Variants in SERTAD4 observed in about 807,000 individuals in gnomAD.
SERTAD4 encodes SERTA domain containing 4, also known as SERTA domain-containing protein 4.
SERTAD4 carries 18 observed loss-of-function variants against 32.9 expected under a neutral mutation model. The ratio of observed to expected loss-of-function variants is 0.55; its 90% CI spans 0.38 to 0.81. SERTAD4 has a LOEUF of 0.81. Among genes scored for constraint, SERTAD4 ranks in the 30% least tolerant of loss-of-function variants. The pLI, the probability that SERTAD4 is intolerant of heterozygous loss-of-function variation, is 0.00. For synonymous variants in SERTAD4, 150 were observed against 156.4 expected, an observed-to-expected ratio of 0.96 and a Z score of 0.30; for missense variants, 383 against 426.0, an observed-to-expected ratio of 0.90 and a Z score of 0.89.
Position 210,241,889 on chromosome 1 carries a change from C to T in SERTAD4, c.623C>T (p.Ala208Val), listed in dbSNP as rs779497728. ...HYLNLPLSVN[A>V]NVGSASTAAS... ...CTAAATTTACCCCTTTCTGTCAATG[C>T]TAATGTTGGAAGTGCCTCCACTGCT... is the stretch of plus-strand genomic sequence containing the variant. The change falls in exon 4 of 4, where the codon GCT becomes GTT. Residue 208 changes from alanine to valine, a missense_variant. This residue lies in a region of SERTAD4 where 180 missense variants were observed against 190.6 expected (regional missense o/e 0.94). Transcript: ENST00000367012. The T allele has an allele frequency of 4.3e-6, 7 of 1,614,020 alleles. No individual in the cohort carries two copies. The highest frequency in any genetic ancestry group is 1.6e-4 in the Middle Eastern group (1 of 6,082).
At chr1:210,241,078 T>TG (rs1321894868) in intron 3 of SERTAD4, among the ~76,000 whole-genome samples, 2 of 152,022 alleles carry the variant, frequency 1.3e-5, no homozygotes, top group African/African-American at 4.8e-5. Context: ...CATGAGGTCA[T>TG]GTAACTAACA....
At chr1:210,239,644 G>A in intron 3 of SERTAD4, 36 bp downstream of exon 3, 1 of 1,206,612 alleles carries the variant, frequency 8.3e-7, no homozygotes, top group South Asian at 1.3e-5. Context: ...TTTATTAAGA[G>A]TTTAAGATAC....
At chr1:210,233,095 C>T (rs1489659028) in intron 1 of SERTAD4, 84 bp downstream of exon 1, 1 of 151,930 alleles carries the variant, frequency 6.6e-6, no homozygotes, top group Non-Finnish European at 1.5e-5. Flanking sequence ...CTCCTGCCCT[C>T]GCAGACGGGC....
intron 1 of SERTAD4, among the ~76,000 whole-genome samples, chr1:210,235,666 T>C (rs1410399057): frequency 6.6e-6 from 1 of 152,202 alleles, no homozygotes; most frequent in African/African-American, 2.4e-5. Flanking sequence ...AACGCTGAAA[T>C]TCCTCACAAC....
At chr1:210,239,442 G>C in intron 2 of SERTAD4, 51 bp from the exon 3 acceptor site, 1 of 1,057,554 alleles carries the variant, frequency 9.5e-7, no homozygotes, top group South Asian at 1.3e-5. Context: ...TTTGTTTGGA[G>C]AACCTCTGGC....
Position 210,242,038 on chromosome 1 carries a change from G to A in SERTAD4, c.772G>A (p.Gly258Ser), listed in dbSNP as rs753073701. The A allele has an allele frequency of 3.2e-5, 52 of 1,613,984 alleles. No homozygotes were observed. The highest frequency in any genetic ancestry group is 4.4e-5 in the Non-Finnish European group (52 of 1,180,032). The change falls in exon 4 of 4, where the codon GGC becomes AGC. Residue 258 changes from glycine to serine, a missense_variant. By Grantham distance (56) the Gly-to-Ser change is moderately conservative. Coordinates refer to ENST00000367012, the MANE Select transcript of SERTAD4 (RefSeq NM_019605.5). The surrounding 1 kb of genome is among the most constrained non-coding windows in gnomAD (Gnocchi z 4.0). ...VGSASIYKSD[G>S]QIPANEIFVT... Reference sequence around the variant, plus strand: ...TAGTGCATCTATTTACAAGAGTGATGGCCAGATACCTGCCAATGAAATCTT... The same window carrying A: ...TAGTGCATCTATTTACAAGAGTGATAGCCAGATACCTGCCAATGAAATCTT...
At chr1:210,233,686 G>T (rs624706) in intron 1 of SERTAD4, 231,980 of 470,146 alleles carry the variant, frequency 0.49, 60,498 homozygotes, top group East Asian at 0.75. Context: ...TCCGCCTCTC[G>T]CTTCCCTTCC....
chr1:210,236,183 CAAAG>C (rs1253839329), intron 1 of SERTAD4, among the ~76,000 whole-genome samples: 2 of 152,128 alleles, frequency 1.3e-5, no homozygotes, highest in Non-Finnish European at 2.9e-5. Flanking sequence ...GTTGATGACT[CAAAG>C]AGAAAAATAA....
intron 1 of SERTAD4, chr1:210,233,832 G>A (rs745474863): frequency 2.1e-6 from 1 of 469,442 alleles, no homozygotes; most frequent in South Asian, 1.6e-5. Context: ...AGCGGGTTTG[G>A]CCGGCAAGGG....
intron 3 of SERTAD4, 67 bp from the exon 4 acceptor site, chr1:210,241,484 TATAGTCC>T (rs2083993337): frequency 1.4e-6 from 2 of 1,411,570 alleles, no homozygotes; most frequent in African/African-American, 1.4e-5. Flanking sequence ...GATGTTTTCA[TATAGTCC>T]ATTTTCTAAG....
At position 210,242,229 on chromosome 1, in the gene SERTAD4, A is replaced by T. The variant is rs1451099419; in HGVS notation, c.963A>T (p.Gly321=). The change falls in exon 4 of 4, where the codon GGA becomes GGT. Residue 321 remains glycine, a synonymous_variant. Transcript: ENST00000367012. The surrounding 1 kb of genome is among the most constrained non-coding windows in gnomAD (Gnocchi z 4.0). ...AATTTTATGATTATTTTGAGACCGG[A>T]TATAATGAAAGAAACAATGTAAATG... ...KGQFYDYFET[G]YNERNNVNES... 3 of 1,614,148 alleles carry T rather than the reference A, an allele frequency of 1.9e-6. No individual in the cohort carries two copies. The highest frequency in any genetic ancestry group is 2.2e-5 in the South Asian group (2 of 91,056).
chr1:210,238,161 C>T (rs181660015), intron 2 of SERTAD4, 26 bp downstream of exon 2: 14,116 of 1,409,788 alleles, frequency 0.01, 100 homozygotes, highest in Non-Finnish European at 0.012. Context: ...TGCGCCCATC[C>T]CCCCCACCCC....
chr1:210,238,733 G>A (rs964531838), intron 2 of SERTAD4, among the ~76,000 whole-genome samples: 2 of 152,158 alleles, frequency 1.3e-5, no homozygotes, highest in African/African-American at 4.8e-5. Flanking sequence ...TTTTAGGATT[G>A]TAGGAAAAAA....
chr1:210,234,243 C>A (rs995798775), intron 1 of SERTAD4, among the ~76,000 whole-genome samples: 1 of 151,892 alleles, frequency 6.6e-6, no homozygotes, highest in Non-Finnish European at 1.5e-5. Flanking sequence ...GGCTGCCGCC[C>A]GCCTTCAAGA....
chr1:210,238,162 CCCCCA>C, intron 2 of SERTAD4, 27 bp downstream of exon 2: 1 of 1,411,122 alleles, frequency 7.1e-7, no homozygotes, highest in Non-Finnish European at 9.7e-7. Context: ...GCGCCCATCC[CCCCCA>C]CCCCTCGCTG....
intron 3 of SERTAD4, 90 bp from the exon 4 acceptor site, chr1:210,241,468 T>C (rs1006514051): frequency 1.9e-5 from 24 of 1,291,416 alleles, no homozygotes; most frequent in Admixed American, 1.2e-4. Flanking sequence ...AGAAGTATGC[T>C]ATGATGATGT....
At position 210,238,141 on chromosome 1, in the gene SERTAD4, G is replaced by GGGGCAGGTCC; in HGVS notation, c.175+6_175+7insGGGCAGGTCC. On this transcript the variant is annotated splice_region_variant and intron_variant, in intron 2 of 3. Coordinates refer to ENST00000367012, the MANE Select transcript of SERTAD4 (RefSeq NM_019605.5). ...AGCTGGTCCCCCACTGGCAGGTATT[G>GGGGCAGGTCC]CCCTTGACCTGCGCCCATCCCCCCC... 1 of 1,583,936 alleles carries GGGGCAGGTCC rather than the reference G, an allele frequency of 6.3e-7. No homozygotes were observed. Among genetic ancestry groups the GGGGCAGGTCC allele is most frequent in the Non-Finnish European group, 8.6e-7 (1 of 1,166,984 alleles).
rs2084029289 is a variant in SERTAD4, at chr1:210,244,534, TG to T, written c.*2198del. Reference sequence around the variant, plus strand: ...AGCATTCCATACAATTCCATATTAATGTTCTTAGGAGCTAATATTTGATAAA... The same window carrying T: ...AGCATTCCATACAATTCCATATTAATTTCTTAGGAGCTAATATTTGATAAA... On this transcript the variant is annotated 3_prime_UTR_variant, in exon 4 of 4. Transcript: ENST00000367012. 1 of 152,196 alleles carries T rather than the reference TG, an allele frequency of 6.6e-6. No homozygotes were observed. The highest frequency in any genetic ancestry group is 2.1e-4 in the South Asian group (1 of 4,830). 9.4% of individuals were successfully genotyped at this position (152,196 alleles called of 1,614,324 possible).
At chr1:210,239,063 A>C (rs1175380188) in intron 2 of SERTAD4, among the ~76,000 whole-genome samples, 6 of 152,202 alleles carry the variant, frequency 3.9e-5, no homozygotes, top group Non-Finnish European at 8.8e-5. Flanking sequence ...ACCTAAAGCC[A>C]ATAAGATTTC....
Sources: gnomAD v4.1 joint callset for allele counts (sites outside exome capture counted in the v4.1 genomes callset) on GRCh38, gnomAD v4.1.1 for gene constraint, gnomAD v4.1.1 regional missense constraint, Gnocchi (gnomAD v3.1) non-coding constraint, MANE v1.5 for transcripts, NCBI Gene and HGNC (gene_info 2026-07-23, HGNC 2026-07-21) for gene names.